RUSC2: variants seen among roughly 807,000 people sequenced by gnomAD.
RUSC2 encodes AP-4 complex accessory subunit RUSC2.
In RUSC2, 34 loss-of-function variants were observed where a neutral mutation model predicts 122.2. The ratio of observed to expected loss-of-function variants is 0.28; its 90% confidence interval spans 0.21 to 0.37. The LOEUF (loss-of-function observed/expected upper bound fraction) is 0.37. Ranked by LOEUF, RUSC2 falls within the 10% of genes least tolerant of loss-of-function variation. The probability of loss-of-function intolerance (pLI) is 1.00; values close to 1 mark genes in which losing one functional copy is unlikely to be tolerated. For missense variants in RUSC2, 1,747 were observed against 1,952.4 expected, an observed-to-expected ratio of 0.89 and a Z score of 1.98; for synonymous variants, 784 against 790.0, an observed-to-expected ratio of 0.99 and a Z score of 0.13.
Position 35,547,579 on chromosome 9 carries a change from A to C in RUSC2, c.1058A>C (p.His353Pro), listed in dbSNP as rs1262004675. 1 of 1,614,182 alleles carries C rather than the reference A, an allele frequency of 6.2e-7. No homozygotes were observed. The highest frequency in any genetic ancestry group is 1.7e-5 in the Admixed American group (1 of 60,020). Reference sequence around the variant, plus strand: ...AGGGAAGGGGGCTATGGTTGCCCTCATGCCTCTTCTCCTGAGCTTGATGCC... The same window carrying C: ...AGGGAAGGGGGCTATGGTTGCCCTCCTGCCTCTTCTCCTGAGCTTGATGCC... ...GGREGGYGCP[H>P]ASSPELDANC... Residue 353 changes from histidine (H) to proline (P), a missense_variant, in exon 2 of 12, where the codon CAT (histidine) becomes CCT (proline). Physicochemically the swap from His to Pro is moderately conservative, Grantham distance 77. Coordinates refer to ENST00000361226, the MANE Select transcript of RUSC2 (RefSeq NM_014806.5). This position sits in a 1 kb window ranked among gnomAD's most constrained non-coding sequence, Gnocchi z 4.6.
chr9:35,497,450 C>G (rs1267176247), intron 1 of RUSC2, among the ~76,000 whole-genome samples: 3 of 152,136 alleles, frequency 2.0e-5, no homozygotes, highest in Admixed American at 2.0e-4. Flanking sequence ...GGGTCAACAA[C>G]TCTGTATCCC....
At chr9:35,532,989 T>C (rs577655327) in intron 1 of RUSC2, among the ~76,000 whole-genome samples, 1 of 152,214 alleles carries the variant, frequency 6.6e-6, no homozygotes, top group Admixed American at 6.5e-5. Context: ...CTCACGCCTG[T>C]AATCCTAGCA....
Position 35,513,903 on chromosome 9 carries a change from C to CATATATATATATATATAT in RUSC2, c.-93+23750_-93+23767dup, listed in dbSNP as rs3068511. Among the ~76,000 whole-genome samples, 120 of 104,192 alleles carry CATATATATATATATATAT rather than the reference C, an allele frequency of 1.2e-3. 1 individual carries two copies. The highest frequency in any genetic ancestry group is 1.6e-3 in the Non-Finnish European group (82 of 52,780). 68.4% of individuals were successfully genotyped at this position (104,192 alleles called of 152,430 possible). On this transcript the variant is annotated intron_variant, in intron 1 of 11. Coordinates refer to ENST00000361226, the MANE Select transcript of RUSC2 (RefSeq NM_014806.5). ...CTTTTGTAAATAGTGCTTCAACAAA[C>CATATATATATATATATAT]ATATATATATATATATATATATATA...
In RUSC2 at chr9:35,558,444, A is replaced by T. The variant is rs1587871021; in HGVS notation, c.3236-18A>T. On this transcript the variant is annotated intron_variant, in intron 7 of 11. Coordinates refer to ENST00000361226, the MANE Select transcript of RUSC2 (RefSeq NM_014806.5). This position sits in a 1 kb window ranked among gnomAD's most constrained non-coding sequence, Gnocchi z 4.3. ...CCAGAAATTGGTCATGTGACCTGCA[A>T]CCCTGGCTTCCTCCCAGGCCCATCC... 1 of 1,613,752 alleles carries T rather than the reference A, an allele frequency of 6.2e-7. No individual in the cohort carries two copies. The highest frequency in any genetic ancestry group is 1.1e-5 in the South Asian group (1 of 91,072).
chr9:35,553,775 G>C (rs549616856), intron 2 of RUSC2, among the ~76,000 whole-genome samples: 5 of 152,302 alleles, frequency 3.3e-5, no homozygotes, highest in Admixed American at 3.3e-4. Context: ...CAGGAGGGTG[G>C]AGCTTGAAAG....
At chr9:35,508,662 A>T (rs920906525) in intron 1 of RUSC2, among the ~76,000 whole-genome samples, 1 of 152,226 alleles carries the variant, frequency 6.6e-6, no homozygotes, top group African/African-American at 2.4e-5. Flanking sequence ...TCATTGCTAT[A>T]CAAATGGAAC....
chr9:35,535,661 G>C (rs1476260637), intron 1 of RUSC2, among the ~76,000 whole-genome samples: 1 of 149,814 alleles, frequency 6.7e-6, no homozygotes, highest in African/African-American at 2.5e-5. Context: ...GCCTCAGCTT[G>C]CTGAGTAGCT....
rs1821993081 is a variant in RUSC2 at position 35,555,451 on chromosome 9, C to T, written c.2406C>T (p.Ser802=). The change falls in exon 3 of 12, where the codon TCC becomes TCT. Residue 802 remains serine (S), a synonymous_variant. Coordinates refer to ENST00000361226, the MANE Select transcript of RUSC2 (RefSeq NM_014806.5). The surrounding 1 kb of genome is among the most constrained non-coding windows in gnomAD (Gnocchi z 4.6). The part of the protein sequence containing the change: ...STDSSASTSC[S]PPPEQPTATE... ...ACTCTTCTGCCTCCACTTCGTGCTCCCCTCCCCCAGAGCAGCCCACAGCCA... is the reference window on the plus strand; with the variant it reads ...ACTCTTCTGCCTCCACTTCGTGCTCTCCTCCCCCAGAGCAGCCCACAGCCA... 6.2e-7 allele frequency: 1 copy of T among 1,614,122 alleles called. No individual in the cohort carries two copies. The highest frequency in any genetic ancestry group is 1.7e-5 in the Admixed American group (1 of 60,008).
intron 2 of RUSC2, among the ~76,000 whole-genome samples, chr9:35,549,557 GGTAT>G (rs1180868964): frequency 9.2e-5 from 14 of 152,146 alleles, no homozygotes; most frequent in African/African-American, 3.4e-4. Flanking sequence ...CAGTGAAAGG[GGTAT>G]GTAAATCAGA....
chr9:35,512,511 C>T (rs1821027697), intron 1 of RUSC2, among the ~76,000 whole-genome samples: 1 of 152,132 alleles, frequency 6.6e-6, no homozygotes, highest in Non-Finnish European at 1.5e-5. Context: ...CTCTTTGAGG[C>T]TGTAAGTGGG....
Position 35,547,443 on chromosome 9 carries a change from G to A in RUSC2, c.922G>A (p.Asp308Asn), listed in dbSNP as rs201779842. The change falls in exon 2 of 12, where the codon GAC (aspartate) becomes AAC (asparagine). Residue 308 changes from aspartate (D) to asparagine (N), a missense_variant. Coordinates refer to ENST00000361226, the MANE Select transcript of RUSC2 (RefSeq NM_014806.5). The surrounding 1 kb of genome is among the most constrained non-coding windows in gnomAD (Gnocchi z 4.6). The part of the protein sequence containing the change: ...NLNSAPQSCS[D>N]SSFCSHSDPG... The stretch of plus-strand genomic sequence containing the variant: ...CAACTCTGCCCCACAGTCCTGCAGC[G>A]ACTCTTCCTTCTGCAGCCACTCAGA... 26 of 1,614,166 alleles carry A rather than the reference G, an allele frequency of 1.6e-5. No individual in the cohort carries two copies. The highest frequency in any genetic ancestry group is 4.5e-5 in the East Asian group (2 of 44,884).
At chr9:35,493,538 C>T (rs1472769624) in intron 1 of RUSC2, among the ~76,000 whole-genome samples, 2 of 152,160 alleles carry the variant, frequency 1.3e-5, no homozygotes, top group African/African-American at 2.4e-5. Flanking sequence ...GAGTCTCCCT[C>T]CATCAACCAG....
In RUSC2 at chr9:35,546,497, GA is replaced by G; in HGVS notation, c.-23del. 2.2e-6 allele frequency: 3 copies of G among 1,395,278 alleles called. No homozygotes were observed. The highest frequency in any genetic ancestry group is 2.8e-6 in the Non-Finnish European group (3 of 1,069,792). 86.4% of individuals were successfully genotyped at this position (1,395,278 alleles called of 1,614,324 possible). A position where few individuals can be genotyped will look rare whatever the true frequency, so the allele number is the denominator to read the frequency against. On this transcript the variant is annotated 5_prime_UTR_variant, in exon 2 of 12. Coordinates refer to ENST00000361226, the MANE Select transcript of RUSC2 (RefSeq NM_014806.5). The surrounding 1 kb of genome is among the most constrained non-coding windows in gnomAD (Gnocchi z 4.3). ...TCCAGGGACAGTGTCTGGTGCTGTTGAAGCCCTTATTCGAACTTTCCAGAAT... is the reference window on the plus strand; with the variant it reads ...TCCAGGGACAGTGTCTGGTGCTGTTGAGCCCTTATTCGAACTTTCCAGAAT...
chr9:35,506,339 A>G (rs1820916213), intron 1 of RUSC2, among the ~76,000 whole-genome samples: 1 of 152,250 alleles, frequency 6.6e-6, no homozygotes. Flanking sequence ...CTTTGAATGT[A>G]AGGATGAAGA....
chr9:35,552,679 A>G (rs1011357669), intron 2 of RUSC2, among the ~76,000 whole-genome samples: 3 of 152,222 alleles, frequency 2.0e-5, no homozygotes, highest in Admixed American at 1.3e-4. Context: ...GTGGTATTCC[A>G]TTGAGTTCTG....
chr9:35,518,354 G>C (rs1181812580), intron 1 of RUSC2, among the ~76,000 whole-genome samples: 1 of 152,276 alleles, frequency 6.6e-6, no homozygotes, highest in Admixed American at 6.5e-5. Context: ...TTCCTACCTG[G>C]TGTGTGGTAC....
intron 1 of RUSC2, among the ~76,000 whole-genome samples, chr9:35,518,397 C>T (rs1018769506): frequency 5.3e-5 from 8 of 152,184 alleles, no homozygotes; most frequent in Non-Finnish European, 2.9e-5. Flanking sequence ...CTGCTGTGCT[C>T]CTGGCTCCAG....
At chr9:35,500,481 G>A (rs1422601265) in intron 1 of RUSC2, among the ~76,000 whole-genome samples, 4 of 152,126 alleles carry the variant, frequency 2.6e-5, no homozygotes, top group African/African-American at 9.7e-5. Context: ...ATCTATTACT[G>A]TATAACAAAA....
At chr9:35,539,216 A>AG (rs1821592749) in intron 1 of RUSC2, 1 of 4,660 alleles carries the variant, frequency 2.1e-4, no homozygotes, top group African/African-American at 1.1e-3. Flanking sequence ...CAAAAGGGAG[A>AG]GGGGGGCGGT....
Sources: allele counts gnomAD v4.1 joint callset (sites outside exome capture counted in the v4.1 genomes callset), GRCh38; gene constraint gnomAD v4.1.1; non-coding constraint Gnocchi (gnomAD v3.1); transcripts MANE v1.5; gene names NCBI Gene and HGNC (gene_info 2026-07-23, HGNC 2026-07-21).